The following SGSM1 variants were observed in gnomAD, a reference collection of about 807,000 sequenced individuals.
SGSM1 encodes the protein RUN and TBC1 domain containing 2.
In SGSM1, 73 loss-of-function variants were observed where a neutral mutation model predicts 133.8. The ratio of observed to expected loss-of-function variants is 0.55; its 90% confidence interval spans 0.45 to 0.66. SGSM1 has a LOEUF of 0.66. Ranked by LOEUF, SGSM1 falls within the 30% of genes least tolerant of loss-of-function variation. The probability of loss-of-function intolerance (pLI) is 0.00; values close to 1 mark genes in which losing one functional copy is unlikely to be tolerated. For synonymous variants in SGSM1, 563 were observed against 573.0 expected (o/e 0.98, Z 0.25); for missense variants, 1,213 against 1,448.1 (o/e 0.84, Z 2.64).
At chr22:24,808,897 A>G (rs1180381802) in intron 2 of SGSM1, among the ~76,000 whole-genome samples, 1 of 152,154 alleles carries the variant, frequency 6.6e-6, no homozygotes, top group Admixed American at 6.5e-5. Flanking sequence ...TTTTGATGTC[A>G]GAGCCACACT....
intron 12 of SGSM1, among the ~76,000 whole-genome samples, chr22:24,871,233 G>A (rs1032394103): frequency 6.6e-6 from 1 of 152,114 alleles, no homozygotes; most frequent in Non-Finnish European, 1.5e-5. Flanking sequence ...AATTGCCTCT[G>A]CTTGAGAACC....
chr22:24,846,524 A>T (rs1343561063), intron 3 of SGSM1, among the ~76,000 whole-genome samples: 1 of 152,180 alleles, frequency 6.6e-6, no homozygotes, highest in Admixed American at 6.5e-5. Context: ...ACTTAGAGGA[A>T]TAAAAGTAAT....
chr22:24,894,595 A>G (rs1932873253), intron 17 of SGSM1, among the ~76,000 whole-genome samples: 1 of 152,216 alleles, frequency 6.6e-6, no homozygotes, highest in African/African-American at 2.4e-5. Flanking sequence ...TAACTGGTCA[A>G]CTAAAACATT....
chr22:24,898,883 C>T (rs927513970), intron 19 of SGSM1, among the ~76,000 whole-genome samples: 6 of 151,840 alleles, frequency 4.0e-5, no homozygotes, highest in East Asian at 3.9e-4. Flanking sequence ...AAAAATTAGC[C>T]GGGCGTGGTG....
In SGSM1 at chr22:24,850,129, T is replaced by C. The variant is rs1930370631; in HGVS notation, c.303-151T>C. 13 of 805,534 alleles carry C rather than the reference T, an allele frequency of 1.6e-5. No homozygotes were observed. In the Admixed American group the frequency reaches 2.0e-4, roughly 12 times the overall value. 49.9% of individuals were successfully genotyped at this position (805,534 alleles called of 1,614,324 possible). A position where few individuals can be genotyped will look rare whatever the true frequency, so the allele number is the denominator to read the frequency against. ...TGGGTATTACTATTTTTTCAACTCC[T>C]GACCAGCTTGCTAGCGGCAATATGG... On this transcript the variant is annotated intron_variant, in intron 4 of 24. Transcript: ENST00000400358.
chr22:24,845,971 T>TTCTC (rs1569144759), intron 3 of SGSM1, among the ~76,000 whole-genome samples: 5 of 141,996 alleles, frequency 3.5e-5, no homozygotes, highest in African/African-American at 1.2e-4. Context: ...CTTTCTTTCT[T>TTCTC]TCTTTCTTTC....
intron 21 of SGSM1, among the ~76,000 whole-genome samples, chr22:24,909,451 T>TTTATTATTA (rs150425856): frequency 6.6e-6 from 1 of 150,688 alleles, no homozygotes; most frequent in Non-Finnish European, 1.5e-5. Context: ...TATTTATTTA[T>TTTATTATTA]TTATTATTAT....
At chr22:24,907,534 T>TTTTTTTGG (rs908851393) in intron 21 of SGSM1, among the ~76,000 whole-genome samples, 73 of 151,870 alleles carry the variant, frequency 4.8e-4, no homozygotes, top group African/African-American at 1.7e-3. Context: ...TTGTTGTTGT[T>TTTTTTTGG]TTTTTTGGTT....
chr22:24,897,825 C>G (rs78713710), intron 18 of SGSM1, 147 bp from the exon 19 acceptor site: 10 of 715,962 alleles, frequency 1.4e-5, no homozygotes, highest in East Asian at 8.2e-5. Flanking sequence ...TGTTTTGCCT[C>G]GTTCTTTTCA....
chr22:24,879,538 G>A lies in SGSM1; in HGVS notation c.1495+12G>A, dbSNP rs1247092696. 1.6e-5 allele frequency: 25 copies of A among 1,612,232 alleles called. No homozygotes were observed. Among genetic ancestry groups the A allele is most frequent in the Non-Finnish European group, 2.1e-5 (25 of 1,179,098 alleles). ...AGCCTTCTATGGATGTACGTATAGG[G>A]CTCCATTGCCAGTGTGTCTCCGTGG... On this transcript the variant is annotated intron_variant, in intron 14 of 24. Transcript: ENST00000400358.
chr22:24,822,230 A>G (rs1484660169), intron 2 of SGSM1, among the ~76,000 whole-genome samples: 1 of 151,602 alleles, frequency 6.6e-6, no homozygotes, highest in African/African-American at 2.4e-5. Context: ...AGCTGGGACC[A>G]CAGGTGCCCG....
chr22:24,883,987 T>C, intron 14 of SGSM1, 66 bp from the exon 15 acceptor site: 1 of 1,476,406 alleles, frequency 6.8e-7, no homozygotes, highest in South Asian at 1.4e-5. Flanking sequence ...ACTTGGGAAG[T>C]CCCATGAGAC....
intron 8 of SGSM1, chr22:24,856,098 C>T (rs1012398730): frequency 2.7e-6 from 1 of 365,826 alleles, no homozygotes; most frequent in Non-Finnish European, 5.4e-6. Context: ...TCTCTTCACT[C>T]ACCTGCATAC....
intron 2 of SGSM1, among the ~76,000 whole-genome samples, chr22:24,822,339 G>T (rs911741271): frequency 6.6e-6 from 1 of 151,898 alleles, no homozygotes; most frequent in Non-Finnish European, 1.5e-5. Flanking sequence ...TGATCTGCCC[G>T]CCTCGGCCTC....
chr22:24,851,083 A>G (rs1930429316), intron 5 of SGSM1, among the ~76,000 whole-genome samples: 1 of 147,444 alleles, frequency 6.8e-6, no homozygotes, highest in Non-Finnish European at 1.5e-5. Flanking sequence ...TCTGGGCAAC[A>G]GAGCAAGACT....
intron 24 of SGSM1, among the ~76,000 whole-genome samples, chr22:24,923,595 G>A (rs769258595): frequency 2.0e-5 from 3 of 151,732 alleles, no homozygotes; most frequent in Admixed American, 6.6e-5. Flanking sequence ...TATAGGAGAG[G>A]GGTGGAAGGA....
intron 21 of SGSM1, among the ~76,000 whole-genome samples, chr22:24,909,163 C>T (rs902218791): frequency 1.3e-5 from 2 of 152,174 alleles, no homozygotes; most frequent in Admixed American, 6.5e-5. Flanking sequence ...TGAGGTGGAA[C>T]AGTTTCATCC....
chr22:24,841,251 T>C lies in SGSM1; in HGVS notation c.64-3646T>C, dbSNP rs567359884. Among the ~76,000 whole-genome samples the C allele has an allele frequency of 2.6e-5, 4 of 152,358 alleles. 1 individual carries two copies. The South Asian group carries it at 8.3e-4, about 32-fold the overall frequency. On this transcript the variant is annotated intron_variant, in intron 2 of 24. Transcript: ENST00000400358. Reference sequence around the variant, plus strand: ...AGAGTACACTGTTTATGACTCTTATTTGTGGGTTTTCTAGTTTTCCTTCTG... The same window carrying C: ...AGAGTACACTGTTTATGACTCTTATCTGTGGGTTTTCTAGTTTTCCTTCTG...
intron 8 of SGSM1, 33 bp from the exon 9 acceptor site, chr22:24,859,683 C>T (rs1931012485): frequency 1.2e-6 from 2 of 1,612,676 alleles, no homozygotes; most frequent in African/African-American, 2.7e-5. Flanking sequence ...ACTCCAGCAC[C>T]ATGGCCAGAC....
Sources: allele counts gnomAD v4.1 joint callset (sites outside exome capture counted in the v4.1 genomes callset), GRCh38; gene constraint gnomAD v4.1.1; transcripts MANE v1.5; gene names NCBI Gene and HGNC (gene_info 2026-07-23, HGNC 2026-07-21).